APBB2: variants seen among roughly 807,000 people sequenced by gnomAD.
The protein encoded by APBB2 is Fe65-like 1.
A neutral mutation model predicts 82.5 loss-of-function variants in APBB2; 38 were observed. The ratio of observed to expected loss-of-function variants is 0.46; its 90% CI spans 0.36 to 0.60. APBB2 has a LOEUF of 0.60. Among genes scored for constraint, APBB2 ranks in the 20% least tolerant of loss-of-function variants. APBB2 has a pLI of 0.00. For synonymous variants in APBB2, 341 were observed against 368.2 expected (o/e 0.93, Z 0.85); for missense variants, 772 against 972.3 (o/e 0.79, Z 2.74).
intron 17 of APBB2, among the ~76,000 whole-genome samples, chr4:40,816,793 G>T (rs1234400953): frequency 3.3e-5 from 5 of 152,236 alleles, no homozygotes; most frequent in Non-Finnish European, 7.3e-5. Context: ...AGTAATACTT[G>T]TAATGCTTGT....
intron 1 of APBB2, among the ~76,000 whole-genome samples, chr4:41,203,500 T>C (rs1192125170): frequency 6.6e-6 from 1 of 152,194 alleles, no homozygotes; most frequent in South Asian, 2.1e-4. Flanking sequence ...CTCAAATAAT[T>C]GGAATTTGAA....
chr4:41,166,302 G>A (rs1013970500), intron 1 of APBB2, among the ~76,000 whole-genome samples: 2 of 152,078 alleles, frequency 1.3e-5, no homozygotes, highest in Non-Finnish European at 2.9e-5. Flanking sequence ...TTGGGAGGCT[G>A]AGGCGGGAAG....
intron 12 of APBB2, among the ~76,000 whole-genome samples, chr4:40,867,740 C>A (rs1764389908): frequency 1.3e-5 from 2 of 152,086 alleles, no homozygotes; most frequent in South Asian, 2.1e-4. Flanking sequence ...ACTGCTTAGC[C>A]TACAAAAAAC....
At chr4:41,171,647 C>A (rs180820308) in intron 1 of APBB2, among the ~76,000 whole-genome samples, 155 of 152,332 alleles carry the variant, frequency 1.0e-3, no homozygotes, top group Middle Eastern at 6.8e-3. Context: ...ATACATCTAT[C>A]CATGTCTTGT....
chr4:40,988,896 G>A (rs1801198617), intron 6 of APBB2, among the ~76,000 whole-genome samples: 1 of 151,490 alleles, frequency 6.6e-6, no homozygotes. Context: ...CTCCCAAGTA[G>A]CTGGGATTAC....
intron 12 of APBB2, among the ~76,000 whole-genome samples, chr4:40,886,889 G>A (rs1277439938): frequency 2.6e-5 from 4 of 152,200 alleles, no homozygotes; most frequent in Non-Finnish European, 4.4e-5. Flanking sequence ...TCCAGGGGCC[G>A]TGACATTTAC....
chr4:40,994,285 CAAA>C (rs34027629), intron 6 of APBB2, among the ~76,000 whole-genome samples: 6 of 139,526 alleles, frequency 4.3e-5, no homozygotes, highest in Non-Finnish European at 4.6e-5. Flanking sequence ...AGACTCATCT[CAAA>C]AAAAAAAAAA....
chr4:41,196,084 G>A, intron 1 of APBB2, among the ~76,000 whole-genome samples: 2 of 151,870 alleles, frequency 1.3e-5, no homozygotes, highest in South Asian at 2.1e-4. Context: ...GCGTGAACCC[G>A]GGAGGCGGAG....
At chr4:41,082,220 A>C (rs1179461720) in intron 3 of APBB2, among the ~76,000 whole-genome samples, 1 of 152,240 alleles carries the variant, frequency 6.6e-6, no homozygotes, top group African/African-American at 2.4e-5. Context: ...AACTTAAAAG[A>C]ACACCAATCA....
At chr4:40,996,783 G>A in intron 6 of APBB2, among the ~76,000 whole-genome samples, 1 of 151,896 alleles carries the variant, frequency 6.6e-6, no homozygotes, top group South Asian at 2.1e-4. Flanking sequence ...TACTAATCTT[G>A]TCCAGTCCTC....
At chr4:41,045,184 C>CT (rs1344968977) in intron 4 of APBB2, among the ~76,000 whole-genome samples, 1 of 152,044 alleles carries the variant, frequency 6.6e-6, no homozygotes, top group East Asian at 1.9e-4. Context: ...CTCCTTGTCT[C>CT]TGAGTTTTGC....
intron 6 of APBB2, among the ~76,000 whole-genome samples, chr4:40,949,596 G>GA (rs1423011748): frequency 4.6e-5 from 7 of 151,988 alleles, no homozygotes; most frequent in Admixed American, 4.6e-4. Flanking sequence ...CCAACGAGAC[G>GA]AGAGGGAGCA....
chr4:41,061,766 A>G (rs1729937925), intron 4 of APBB2, among the ~76,000 whole-genome samples: 1 of 152,234 alleles, frequency 6.6e-6, no homozygotes, highest in South Asian at 2.1e-4. Context: ...TCCATCCAAG[A>G]GCAGCACCCT....
chr4:40,834,286 A>G (rs1753083846), intron 12 of APBB2, among the ~76,000 whole-genome samples: 1 of 152,172 alleles, frequency 6.6e-6, no homozygotes, highest in Non-Finnish European at 1.5e-5. Flanking sequence ...GTAGAGGTCA[A>G]GAGATTTGTG....
chr4:40,814,423 G>A lies in APBB2; in HGVS notation c.*1669C>T, dbSNP rs946774404. The A allele has an allele frequency of 3.3e-5, 5 of 152,160 alleles. No homozygotes were observed. The highest frequency in any genetic ancestry group is 2.1e-4 in the South Asian group (1 of 4,832). 9.4% of individuals were successfully genotyped at this position (152,160 alleles called of 1,614,324 possible). On this transcript the variant is annotated 3_prime_UTR_variant, in exon 18 of 18. Coordinates refer to ENST00000508593, the MANE Select transcript of APBB2 (RefSeq NM_004307.2). ...GGAGGCAGCACAACACAGCAAGAACGGGCTTTGGGAGCCGTGGGTCCTAGT... is the reference window on the plus strand; with the variant it reads ...GGAGGCAGCACAACACAGCAAGAACAGGCTTTGGGAGCCGTGGGTCCTAGT...
At chr4:40,926,478 C>T (rs1007869077) in intron 10 of APBB2, among the ~76,000 whole-genome samples, 6 of 151,842 alleles carry the variant, frequency 4.0e-5, no homozygotes, top group African/African-American at 1.5e-4. Flanking sequence ...TGGAGTCTTG[C>T]TCTGTTGCCC....
intron 12 of APBB2, among the ~76,000 whole-genome samples, chr4:40,870,276 G>A (rs1765118948): frequency 6.6e-6 from 1 of 152,176 alleles, no homozygotes; most frequent in Non-Finnish European, 1.5e-5. Flanking sequence ...GATGAGGGAG[G>A]GCAGAGTGAG....
intron 10 of APBB2, among the ~76,000 whole-genome samples, chr4:40,905,985 CA>C (rs778191082): frequency 6.6e-5 from 10 of 152,040 alleles, no homozygotes; most frequent in Non-Finnish European, 1.3e-4. Flanking sequence ...GGGAGGGTGC[CA>C]CTGTCCTGGA....
At chr4:41,123,155 C>A (rs1237790086) in intron 2 of APBB2, among the ~76,000 whole-genome samples, 4 of 152,064 alleles carry the variant, frequency 2.6e-5, no homozygotes, top group South Asian at 2.1e-4. Flanking sequence ...CTTCTTCCCC[C>A]CAGTGCTTAC....
Sources: allele counts gnomAD v4.1 joint callset (sites outside exome capture counted in the v4.1 genomes callset), GRCh38; gene constraint gnomAD v4.1.1; transcripts MANE v1.5; gene names NCBI Gene and HGNC (gene_info 2026-07-23, HGNC 2026-07-21).